Variants in SVOPL observed in about 807,000 individuals in gnomAD.
SVOPL encodes the protein SVOP like, also known as putative transporter SVOPL.
Under a neutral mutation model 61.0 loss-of-function variants are expected in SVOPL, and 60 were observed. The observed-to-expected ratio is 0.98, with a 90% confidence interval of 0.80 to 1.22. The LOEUF is 1.22. Among genes scored for constraint, SVOPL ranks in the 50% most tolerant of loss-of-function variants. SVOPL has a pLI of 0.00. For synonymous variants in SVOPL, 279 were observed against 250.0 expected (o/e 1.12, Z -1.09); for missense variants, 662 against 643.9 (o/e 1.03, Z -0.30).
At chr7:138,669,431 A>C (rs1057218588) in intron 4 of SVOPL, among the ~76,000 whole-genome samples, 23 of 151,094 alleles carry the variant, frequency 1.5e-4, no homozygotes, top group African/African-American at 4.6e-4. Context: ...CAATGACAAC[A>C]AAAAAAAAGG....
Position 138,678,414 on chromosome 7 carries a change from C to T in SVOPL, c.174+20G>A, listed in dbSNP as rs17160453. ...TACAGAGTTTGACACTTTTCGTCAACATCTCGAAGGAGCACTCACCCCAGT... is the reference window on the plus strand; with the variant it reads ...TACAGAGTTTGACACTTTTCGTCAATATCTCGAAGGAGCACTCACCCCAGT... On this transcript the variant is annotated intron_variant, in intron 3 of 15. Transcript: ENST00000674285. 57,262 of 1,546,456 alleles carry T rather than the reference C, an allele frequency of 0.037. 1,198 individuals carry two copies. Among genetic ancestry groups the T allele is most frequent in the African/African-American group, 0.053 (3,823 of 72,752 alleles).
intron 4 of SVOPL, among the ~76,000 whole-genome samples, chr7:138,665,645 A>G (rs576621577): frequency 3.0e-4 from 46 of 152,346 alleles, no homozygotes; most frequent in African/African-American, 1.1e-3. Context: ...GGTATCACGT[A>G]ATACAATTTT....
chr7:138,668,174 T>C (rs932216917), intron 4 of SVOPL, among the ~76,000 whole-genome samples: 1 of 152,014 alleles, frequency 6.6e-6, no homozygotes, highest in African/African-American at 2.4e-5. Flanking sequence ...GAGGAAAGCG[T>C]CAATTCCCTA....
At chr7:138,677,266 G>C (rs1802589444) in intron 3 of SVOPL, among the ~76,000 whole-genome samples, 1 of 152,036 alleles carries the variant, frequency 6.6e-6, no homozygotes, top group Admixed American at 6.6e-5. Context: ...GAGGTCAGTA[G>C]AAAAAAGACT....
chr7:138,638,303 C>T (rs1222845552), intron 9 of SVOPL, among the ~76,000 whole-genome samples: 1 of 139,506 alleles, frequency 7.2e-6, no homozygotes, highest in Non-Finnish European at 1.5e-5. Context: ...AGTATAAAAC[C>T]AAATTAACAC....
At chr7:138,684,826 A>G (rs376197606) in intron 1 of SVOPL, among the ~76,000 whole-genome samples, 1 of 152,238 alleles carries the variant, frequency 6.6e-6, no homozygotes, top group Non-Finnish European at 1.5e-5. Flanking sequence ...TGTTCACTAC[A>G]GCATTATTCA....
chr7:138,611,387 C>T (rs1262650183), intron 14 of SVOPL, among the ~76,000 whole-genome samples: 3 of 151,130 alleles, frequency 2.0e-5, no homozygotes, highest in Admixed American at 6.6e-5. Context: ...CAAAAACCCC[C>T]AACCCCAAAA....
In SVOPL at chr7:138,625,999, G is replaced by T. The variant is rs762402940; in HGVS notation, c.1233C>A (p.Asn411Lys). Residue 411 changes from asparagine to lysine, a missense_variant, in exon 13 of 16, where the codon AAC becomes AAA. Transcript: ENST00000674285. ...CTGTGTAAATGTAGACGGTGTTGAA[G>T]TTTGCAGCTACCAGAGCCCTCAGCA... ...LFMLRALVAANFNTVYIYTAE... is the reference protein window; with the variant it reads ...LFMLRALVAAKFNTVYIYTAE... 6.2e-7 allele frequency: 1 copy of T among 1,614,162 alleles called. No individual in the cohort carries two copies. Among genetic ancestry groups the T allele is most frequent in the Admixed American group, 1.7e-5 (1 of 60,016 alleles).
intron 3 of SVOPL, among the ~76,000 whole-genome samples, chr7:138,674,516 C>CAG (rs1388210097): frequency 1.3e-5 from 2 of 151,836 alleles, no homozygotes; most frequent in East Asian, 1.9e-4. Flanking sequence ...GGTGGCCTGG[C>CAG]AGAGAGCCCT....
chr7:138,672,008 CA>C lies in SVOPL; in HGVS notation c.273+10del, dbSNP rs1212745552. The C allele has an allele frequency of 6.4e-7, 1 of 1,551,052 alleles. No individual in the cohort carries two copies. Among genetic ancestry groups the C allele is most frequent in the Non-Finnish European group, 8.7e-7 (1 of 1,146,566 alleles). The stretch of plus-strand genomic sequence containing the variant: ...GTTGCTGTGTTCACGGCACAGGGAG[CA>C]GGTACTTACCGTGGTTACTAATGCC... On this transcript the variant is annotated intron_variant, in intron 4 of 15. Coordinates refer to ENST00000674285, the MANE Select transcript of SVOPL (RefSeq NM_001139456.2).
chr7:138,661,390 C>A lies in SVOPL; in HGVS notation c.346-1402G>T, dbSNP rs551908378. On this transcript the variant is annotated intron_variant, in intron 5 of 15. Coordinates refer to ENST00000674285, the MANE Select transcript of SVOPL (RefSeq NM_001139456.2). ...TGTTTTAACTCCGTACATCCATCAA[C>A]TTGAGAGAGAAAAGCGGCTCAGAAC... 3 of 985,392 alleles carry A rather than the reference C, an allele frequency of 3.0e-6. No individual in the cohort carries two copies. In the East Asian group the frequency reaches 3.4e-4, roughly 112 times the overall value. 61.0% of individuals were successfully genotyped at this position (985,392 alleles called of 1,614,324 possible). A position where few individuals can be genotyped will look rare whatever the true frequency, so the allele number is the denominator to read the frequency against.
chr7:138,678,296 C>A (rs530954039), intron 3 of SVOPL, 138 bp downstream of exon 3: 2 of 765,280 alleles, frequency 2.6e-6, no homozygotes, highest in South Asian at 2.0e-5. Context: ...GTGCCCCATC[C>A]ACCTTGGGCA....
intron 1 of SVOPL, among the ~76,000 whole-genome samples, chr7:138,699,310 AT>A (rs1240179552): frequency 6.6e-6 from 1 of 152,238 alleles, no homozygotes; most frequent in African/African-American, 2.4e-5. Flanking sequence ...ATCTCAAAAA[AT>A]AAAAAAATAA....
At chr7:138,648,479 A>T (rs1026376625) in intron 8 of SVOPL, among the ~76,000 whole-genome samples, 1 of 146,228 alleles carries the variant, frequency 6.8e-6, no homozygotes, top group Non-Finnish European at 1.5e-5. Context: ...AGGCGGGTGG[A>T]TCATGAGGTC....
chr7:138,664,937 C>A (rs1419081767), intron 4 of SVOPL, among the ~76,000 whole-genome samples: 1 of 65,162 alleles, frequency 1.5e-5, no homozygotes, highest in Non-Finnish European at 3.1e-5. Context: ...CTTACCCCCA[C>A]GCCCACCCTC....
chr7:138,674,679 A>C (rs1802512918), intron 3 of SVOPL, among the ~76,000 whole-genome samples: 1 of 151,764 alleles, frequency 6.6e-6, no homozygotes, highest in Non-Finnish European at 1.5e-5. Context: ...ACACGGTGAA[A>C]CCCTGTCTCT....
chr7:138,689,906 T>A (rs1802903990), intron 1 of SVOPL, among the ~76,000 whole-genome samples: 1 of 151,278 alleles, frequency 6.6e-6, no homozygotes, highest in Admixed American at 6.6e-5. Context: ...GTGGGAGTCT[T>A]ACCCATTGTA....
chr7:138,597,439 C>A (rs1798326113), intron 14 of SVOPL, among the ~76,000 whole-genome samples: 2 of 152,114 alleles, frequency 1.3e-5, no homozygotes, highest in Admixed American at 1.3e-4. Context: ...TTATGATACA[C>A]AATTTGGGAG....
intron 3 of SVOPL, 88 bp downstream of exon 3, chr7:138,678,346 T>G: frequency 1.4e-6 from 2 of 1,392,344 alleles, no homozygotes; most frequent in Non-Finnish European, 9.7e-7. Context: ...TCACAGGCCA[T>G]GGTCACTCAT....
Sources: allele counts gnomAD v4.1 joint callset (sites outside exome capture counted in the v4.1 genomes callset), GRCh38; gene constraint gnomAD v4.1.1; transcripts MANE v1.5; gene names NCBI Gene and HGNC (gene_info 2026-07-23, HGNC 2026-07-21).